SENP7: variants seen among roughly 807,000 people sequenced by gnomAD.
SENP7 encodes the protein SUMO specific peptidase 7, also known as sentrin-specific protease 7.
A neutral mutation model predicts 141.2 loss-of-function variants in SENP7; 64 were observed. The ratio of observed to expected loss-of-function variants is 0.45; its 90% confidence interval spans 0.37 to 0.56. The LOEUF (loss-of-function observed/expected upper bound fraction) is 0.56, where lower values mean the gene tolerates loss of function less well. Among genes scored for constraint, SENP7 ranks in the 20% least tolerant of loss-of-function variants. SENP7 has a pLI of 0.00. For synonymous variants in SENP7, 382 were observed against 426.4 expected, an observed-to-expected ratio of 0.90 and a Z score of 1.28; for missense variants, 1,025 against 1,212.2, an observed-to-expected ratio of 0.85 and a Z score of 2.29.
At position 101,366,602 on chromosome 3, in the gene SENP7, G is replaced by A. The variant is rs1438237272; in HGVS notation, c.1146C>T (p.Thr382=). The change falls in exon 9 of 24, where the codon ACC becomes ACT. Residue 382 remains threonine, a synonymous_variant. Coordinates refer to ENST00000394095, the MANE Select transcript of SENP7 (RefSeq NM_020654.5). The stretch of plus-strand genomic sequence containing the variant: ...TGGTTGAACCGGCAGAGGCACTTTT[G>A]GTGGCATTACTCAAAGTCAACTCCT... ...NSQELTLSNA[T]KSASAGSTTE... is the part of the protein sequence containing the mutation. 1 of 1,613,870 alleles carries A rather than the reference G, an allele frequency of 6.2e-7. No individual in the cohort carries two copies. Among genetic ancestry groups the A allele is most frequent in the Non-Finnish European group, 8.5e-7 (1 of 1,179,842 alleles).
rs201888783 is a variant in SENP7 at position 101,351,711 on chromosome 3, AT to A, written c.1624-61del. The A allele has an allele frequency of 1.7e-3, 2,004 of 1,159,458 alleles. 4 individuals are homozygous for A. The highest frequency in any genetic ancestry group is 0.011 in the African/African-American group (649 of 61,730). The allele number at this position is 1,159,458 out of a possible 1,614,324, so 71.8% of individuals were successfully genotyped here. A position where few individuals can be genotyped will look rare whatever the true frequency, so the allele number is the denominator to read the frequency against. ...CCACTCAAAATGTGTTACTATTCAA[AT>A]TTTTTTTTTCAAATCACAAGTACAT... On this transcript the variant is annotated intron_variant, in intron 11 of 23. Transcript: ENST00000394095.
chr3:101,349,034 G>C (rs2059545167), intron 12 of SENP7, among the ~76,000 whole-genome samples: 2 of 152,174 alleles, frequency 1.3e-5, no homozygotes, highest in African/African-American at 4.8e-5. Flanking sequence ...AAGACTGTTA[G>C]AAATGCAGAG....
At chr3:101,454,226 C>G (rs894057884) in intron 4 of SENP7, among the ~76,000 whole-genome samples, 3 of 152,170 alleles carry the variant, frequency 2.0e-5, no homozygotes, top group Non-Finnish European at 4.4e-5. Context: ...ATATGTATGT[C>G]TAAGAATGGG....
chr3:101,448,492 T>C (rs1004228093), intron 4 of SENP7, among the ~76,000 whole-genome samples: 6 of 152,296 alleles, frequency 3.9e-5, no homozygotes, highest in African/African-American at 1.4e-4. Context: ...TTTCCCTGAG[T>C]ATCAGCAGCA....
chr3:101,366,536 C>T lies in SENP7; in HGVS notation c.1212G>A (p.Gly404=). The T allele has an allele frequency of 6.2e-7, 1 of 1,613,756 alleles. No homozygotes were observed. The highest frequency in any genetic ancestry group is 8.5e-7 in the Non-Finnish European group (1 of 1,179,712). ...CATCCTTCTCAACCAGGGAAGAAAT[C>T]CCCACAATATCAATGGAATTAGAGT... is the stretch of plus-strand genomic sequence containing the variant. ...VENSNSIDIV[G]ISSLVEKDEN... The change falls in exon 9 of 24, where the codon GGG becomes GGA. Residue 404 remains glycine, a synonymous_variant. Coordinates refer to ENST00000394095, the MANE Select transcript of SENP7 (RefSeq NM_020654.5).
At chr3:101,414,653 T>C (rs779487259) in intron 5 of SENP7, 16 of 1,434,590 alleles carry the variant, frequency 1.1e-5, no homozygotes, top group Middle Eastern at 1.8e-4. Context: ...CCAGTGGCCA[T>C]GGGGGCTGAG....
intron 4 of SENP7, among the ~76,000 whole-genome samples, chr3:101,434,042 G>T (rs974165274): frequency 6.6e-6 from 1 of 152,146 alleles, no homozygotes; most frequent in African/African-American, 2.4e-5. Context: ...GTCAATAAAC[G>T]AGTCTTAAAA....
intron 4 of SENP7, among the ~76,000 whole-genome samples, chr3:101,435,524 T>C (rs1474954803): frequency 6.6e-6 from 1 of 152,052 alleles, no homozygotes; most frequent in Non-Finnish European, 1.5e-5. Flanking sequence ...TGATCCAATG[T>C]TTGGAAAAAC....
intron 4 of SENP7, among the ~76,000 whole-genome samples, chr3:101,445,478 T>C (rs2062854176): frequency 6.7e-6 from 1 of 150,344 alleles, no homozygotes; most frequent in African/African-American, 2.4e-5. Context: ...GAGTAAACAA[T>C]AAAGAGAAAG....
At chr3:101,450,374 C>G (rs1463565733) in intron 4 of SENP7, among the ~76,000 whole-genome samples, 1 of 152,216 alleles carries the variant, frequency 6.6e-6, no homozygotes, top group African/African-American at 2.4e-5. Context: ...TAATAGACAT[C>G]TACAGAACTC....
intron 4 of SENP7, among the ~76,000 whole-genome samples, chr3:101,438,285 C>G (rs2062467356): frequency 6.6e-6 from 1 of 152,142 alleles, no homozygotes; most frequent in Non-Finnish European, 1.5e-5. Context: ...TATTCTACAA[C>G]ATGAATGAAC....
intron 3 of SENP7, among the ~76,000 whole-genome samples, chr3:101,481,903 G>A (rs556362155): frequency 3.3e-5 from 5 of 152,242 alleles, no homozygotes; most frequent in African/African-American, 1.2e-4. Flanking sequence ...CAATTACAGC[G>A]AGGTTGCATG....
At chr3:101,349,976 GT>G (rs2059573037) in intron 12 of SENP7, among the ~76,000 whole-genome samples, 1 of 152,156 alleles carries the variant, frequency 6.6e-6, no homozygotes. Flanking sequence ...CTAATAAAAT[GT>G]AAGCAGAAAA....
chr3:101,462,805 T>C (rs924276495), intron 3 of SENP7, among the ~76,000 whole-genome samples: 4 of 150,086 alleles, frequency 2.7e-5, no homozygotes, highest in African/African-American at 7.4e-5. Context: ...GAGGCAGAGG[T>C]TGCAGTGAGC....
At position 101,414,722 on chromosome 3, in the gene SENP7, T is replaced by C. The variant is rs1466122644; in HGVS notation, c.482+2871A>G. 7 of 760,218 alleles carry C rather than the reference T, an allele frequency of 9.2e-6. No individual in the cohort carries two copies. The Admixed American group carries it at 2.0e-4, about 21-fold the overall frequency. 47.1% of individuals were successfully genotyped at this position (760,218 alleles called of 1,614,324 possible). ...ACTTTAGTATTTTAAGCAAAGTTTATGAATGAAGAAATTAAGGATGGCCAC... is the reference window on the plus strand; with the variant it reads ...ACTTTAGTATTTTAAGCAAAGTTTACGAATGAAGAAATTAAGGATGGCCAC... On this transcript the variant is annotated intron_variant, in intron 5 of 23. Coordinates refer to ENST00000394095, the MANE Select transcript of SENP7 (RefSeq NM_020654.5).
intron 5 of SENP7, among the ~76,000 whole-genome samples, chr3:101,406,335 A>G (rs2061303472): frequency 6.6e-6 from 1 of 152,152 alleles, no homozygotes; most frequent in South Asian, 2.1e-4. Flanking sequence ...TTGCAAGGAC[A>G]AAAAACCAAA....
At chr3:101,485,961 G>A (rs914776811) in intron 3 of SENP7, among the ~76,000 whole-genome samples, 13 of 152,220 alleles carry the variant, frequency 8.5e-5, no homozygotes, top group African/African-American at 2.6e-4. Flanking sequence ...TTTTAGAAAC[G>A]TGAAATGCTC....
chr3:101,374,618 A>C (rs964396376), intron 6 of SENP7, among the ~76,000 whole-genome samples: 2 of 124,412 alleles, frequency 1.6e-5, no homozygotes, highest in African/African-American at 5.7e-5. Flanking sequence ...CACACACACA[A>C]AATTTAATAA....
intron 4 of SENP7, among the ~76,000 whole-genome samples, chr3:101,456,391 G>A (rs1002300091): frequency 1.3e-5 from 2 of 152,050 alleles, no homozygotes; most frequent in South Asian, 2.1e-4. Context: ...TAAGAAGATG[G>A]TGATTTGGGT....
Sources: allele counts gnomAD v4.1 joint callset (sites outside exome capture counted in the v4.1 genomes callset), GRCh38; gene constraint gnomAD v4.1.1; transcripts MANE v1.5; gene names NCBI Gene and HGNC (gene_info 2026-07-23, HGNC 2026-07-21).